RGS6: variants seen among roughly 807,000 people sequenced by gnomAD.
RGS6 encodes the protein regulator of G protein signaling 6.
Under a neutral mutation model 78.5 loss-of-function variants are expected in RGS6, and 30 were observed. The observed-to-expected ratio is 0.38, with a 90% CI of 0.29 to 0.52. RGS6 has a LOEUF of 0.52. RGS6 is among the 20% of genes least tolerant of loss of function. The pLI, the probability that RGS6 is intolerant of heterozygous loss-of-function variation, is 0.85. For missense variants in RGS6, 495 were observed against 609.7 expected (o/e 0.81, Z 1.98); for synonymous variants, 206 against 206.0 (o/e 1.00, Z 0.00).
At chr14:72,562,322 G>T in intron 17 of RGS6, 95 bp from the exon 18 acceptor site, 1 of 1,288,978 alleles carries the variant, frequency 7.8e-7, no homozygotes. Context: ...TGGCCTACAT[G>T]GCTCATGCAA....
At chr14:72,315,829 T>C (rs1023524968) in intron 2 of RGS6, among the ~76,000 whole-genome samples, 49 of 152,210 alleles carry the variant, frequency 3.2e-4, no homozygotes, top group African/African-American at 1.1e-3. Context: ...TCACCACTTA[T>C]TTACACAAGT....
At chr14:71,959,232 CTCAG>C (rs1235874530) in intron 1 of RGS6, among the ~76,000 whole-genome samples, 1 of 152,154 alleles carries the variant, frequency 6.6e-6, no homozygotes, top group Non-Finnish European at 1.5e-5. Context: ...TTCCTGCCCA[CTCAG>C]TCAGATTAGA....
Position 72,490,522 on chromosome 14 carries a change from G to A in RGS6, c.855-4630G>A, listed in dbSNP as rs936412666. Among the ~76,000 whole-genome samples the A allele has an allele frequency of 1.1e-4, 16 of 152,126 alleles. No individual in the cohort carries two copies. The South Asian group carries it at 1.2e-3, about 12-fold the overall frequency. ...GTGCCTCTAGTGTGCCCGTGGTTTC[G>A]CTTGTCTATTTTATATTTGTAGAGG... is the stretch of plus-strand genomic sequence containing the variant. On this transcript the variant is annotated intron_variant, in intron 12 of 17. Transcript: ENST00000553525.
intron 2 of RGS6, among the ~76,000 whole-genome samples, chr14:72,193,279 C>CCACT (rs1353323093): frequency 3.9e-5 from 6 of 152,234 alleles, no homozygotes; most frequent in African/African-American, 1.4e-4. Flanking sequence ...CAGGCATGAG[C>CCACT]CACTGTGCCT....
chr14:72,257,024 T>G (rs1244124129), intron 2 of RGS6, among the ~76,000 whole-genome samples: 2 of 152,236 alleles, frequency 1.3e-5, no homozygotes, highest in Admixed American at 1.3e-4. Context: ...CGTTTTTACA[T>G]GAAGATGCTT....
rs2097702540 is a variant in RGS6 at position 72,564,852 on chromosome 14, C to CGGAGCTA, written c.*2388_*2394dup. 1 of 152,300 alleles carries CGGAGCTA rather than the reference C, an allele frequency of 6.6e-6. No individual in the cohort carries two copies. Among genetic ancestry groups the CGGAGCTA allele is most frequent in the Non-Finnish European group, 1.5e-5 (1 of 68,150 alleles). The allele number at this position is 152,300 out of a possible 1,614,324, so 9.4% of individuals were successfully genotyped here. On this transcript the variant is annotated 3_prime_UTR_variant, in exon 18 of 18. Coordinates refer to ENST00000553525, the MANE Select transcript of RGS6 (RefSeq NM_001204424.2). Reference sequence around the variant, plus strand: ...CAGAGGGGAGGGTCAGTAAGCACAACGGAGCTAGGGAGACTTCAGATGGAC... The same window carrying CGGAGCTA: ...CAGAGGGGAGGGTCAGTAAGCACAACGGAGCTAGGAGCTAGGGAGACTTCAGATGGAC...
chr14:72,307,409 A>AT (rs1458679808), intron 2 of RGS6, among the ~76,000 whole-genome samples: 1 of 152,196 alleles, frequency 6.6e-6, no homozygotes, highest in Non-Finnish European at 1.5e-5. Context: ...TATTGTCAAG[A>AT]TTTTAATGGC....
chr14:72,489,400 C>G (rs900856271), intron 12 of RGS6, among the ~76,000 whole-genome samples: 4 of 152,222 alleles, frequency 2.6e-5, no homozygotes, highest in Non-Finnish European at 5.9e-5. Flanking sequence ...AGCTTGCTCT[C>G]TCACATTCCC....
chr14:72,290,170 C>T lies in RGS6; in HGVS notation c.85-61925C>T, dbSNP rs569320817. 4.9e-4 allele frequency among the ~76,000 whole-genome samples: 75 copies of T among 152,302 alleles called. 1 individual carries two copies. The South Asian group carries it at 0.015, about 31-fold the overall frequency. ...CGAGATTTTATCGCAAAGAATTCTG[C>T]AGCACATAAAGGCCCTTAGGACTGG... On this transcript the variant is annotated intron_variant, in intron 2 of 17. Transcript: ENST00000553525.
At chr14:72,593,411 A>C in the RGS6 span, among the ~76,000 whole-genome samples, 8 of 152,048 alleles carry the variant, frequency 5.3e-5, 1 homozygote. Flanking sequence ...TTTGAGATGG[A>C]GTCTTGCTCT....
intron 12 of RGS6, among the ~76,000 whole-genome samples, chr14:72,484,360 C>A (rs956391825): frequency 2.0e-5 from 3 of 152,150 alleles, no homozygotes; most frequent in Non-Finnish European, 4.4e-5. Context: ...AGCTGCAGGC[C>A]ATACTTCACT....
chr14:71,972,238 CACAAAGAT>C (rs2093856470), intron 2 of RGS6, among the ~76,000 whole-genome samples: 1 of 151,950 alleles, frequency 6.6e-6, no homozygotes, highest in Non-Finnish European at 1.5e-5. Flanking sequence ...GAGGGATTTA[CACAAAGAT>C]GTGAATACCA....
intron 2 of RGS6, among the ~76,000 whole-genome samples, chr14:72,187,229 G>A (rs149641): frequency 0.76 from 115,521 of 152,168 alleles, 44,132 homozygotes; most frequent in East Asian, 0.91. Context: ...TGCCTTATAG[G>A]ATATTGCTGA....
At chr14:72,030,497 T>C (rs1258451575) in intron 2 of RGS6, among the ~76,000 whole-genome samples, 1 of 152,202 alleles carries the variant, frequency 6.6e-6, no homozygotes, top group African/African-American at 2.4e-5. Context: ...ATGGTATGAG[T>C]TTGTGCCTTA....
At chr14:72,251,784 T>G (rs1446965453) in intron 2 of RGS6, among the ~76,000 whole-genome samples, 1 of 152,178 alleles carries the variant, frequency 6.6e-6, no homozygotes, top group East Asian at 1.9e-4. Context: ...GCAATAGGAT[T>G]GTTCATTCCC....
chr14:72,146,078 C>T (rs1429454326), intron 2 of RGS6, among the ~76,000 whole-genome samples: 1 of 152,144 alleles, frequency 6.6e-6, no homozygotes, highest in East Asian at 1.9e-4. Flanking sequence ...AACCTTCTTG[C>T]TCTATCATCT....
At chr14:72,028,494 C>T (rs566982394) in intron 2 of RGS6, among the ~76,000 whole-genome samples, 1 of 152,362 alleles carries the variant, frequency 6.6e-6, no homozygotes, top group South Asian at 2.1e-4. Flanking sequence ...GTGACTCTTA[C>T]ATCTTTTCTG....
intron 2 of RGS6, among the ~76,000 whole-genome samples, chr14:72,205,854 G>A (rs918893815): frequency 5.9e-5 from 9 of 152,168 alleles, no homozygotes; most frequent in African/African-American, 2.2e-4. Context: ...TTGATAATCT[G>A]TACTAATCTC....
chr14:72,005,526 A>T (rs571206189), intron 2 of RGS6, among the ~76,000 whole-genome samples: 1 of 152,118 alleles, frequency 6.6e-6, no homozygotes, highest in Non-Finnish European at 1.5e-5. Flanking sequence ...ATTAGTAGTT[A>T]TCCCTAGAAT....
Sources: gnomAD v4.1 joint callset for allele counts (sites outside exome capture counted in the v4.1 genomes callset) on GRCh38, gnomAD v4.1.1 for gene constraint, MANE v1.5 for transcripts, NCBI Gene and HGNC (gene_info 2026-07-23, HGNC 2026-07-21) for gene names.